The following PTPRD variants were observed in gnomAD, a reference collection of about 807,000 sequenced individuals.
PTPRD encodes protein tyrosine phosphatase receptor type D, also known as receptor-type tyrosine-protein phosphatase delta.
PTPRD carries 34 observed loss-of-function variants against 214.5 expected under a neutral mutation model. That is an observed-to-expected ratio of 0.16 (90% CI 0.12 to 0.21). PTPRD has a LOEUF of 0.21. Ranked by LOEUF, PTPRD falls within the 10% of genes least tolerant of loss-of-function variation. The probability of loss-of-function intolerance (pLI) is 1.00; values close to 1 mark genes in which losing one functional copy is unlikely to be tolerated. For synonymous variants in PTPRD, 1,128 were observed against 845.7 expected (o/e 1.33, Z -5.79); for missense variants, 2,545 against 2,398.7 (o/e 1.06, Z -1.27).
chr9:10,574,830 A>ATATC (rs57774589), intron 2 of PTPRD, among the ~76,000 whole-genome samples: 25,682 of 149,048 alleles, frequency 0.17, 2,542 homozygotes, highest in South Asian at 0.25. Flanking sequence ...ATATATATAT[A>ATATC]TATCTTAGAT....
At chr9:9,776,488 G>A (rs1484773776) in intron 5 of PTPRD, among the ~76,000 whole-genome samples, 2 of 151,998 alleles carry the variant, frequency 1.3e-5, no homozygotes. Flanking sequence ...CTAGCATAAT[G>A]CCTGGCACAC....
At chr9:8,769,669 T>C (rs2095048050) in intron 11 of PTPRD, among the ~76,000 whole-genome samples, 1 of 152,134 alleles carries the variant, frequency 6.6e-6, no homozygotes, top group Non-Finnish European at 1.5e-5. Flanking sequence ...GGTTCTACTG[T>C]GAGAATATTG....
At chr9:8,901,164 A>T (rs942630657) in intron 11 of PTPRD, among the ~76,000 whole-genome samples, 1 of 152,188 alleles carries the variant, frequency 6.6e-6, no homozygotes, top group Non-Finnish European at 1.5e-5. Context: ...TCATGGGTTC[A>T]TTGGAGCTCA....
At chr9:10,298,266 C>G (rs572410936) in intron 3 of PTPRD, among the ~76,000 whole-genome samples, 1 of 151,932 alleles carries the variant, frequency 6.6e-6, no homozygotes, top group Admixed American at 6.6e-5. Context: ...CAGGTTGCCT[C>G]GCCTGAAAAG....
At chr9:8,428,725 T>C (rs897379317) in intron 35 of PTPRD, among the ~76,000 whole-genome samples, 1 of 152,302 alleles carries the variant, frequency 6.6e-6, no homozygotes, top group East Asian at 1.9e-4. Context: ...GTTTGTATGA[T>C]TCTTGAATAC....
intron 2 of PTPRD, among the ~76,000 whole-genome samples, chr9:10,538,287 TAAATAAATAAAA>T (rs1259888977): frequency 7.6e-6 from 1 of 132,424 alleles, no homozygotes; most frequent in African/African-American, 2.8e-5. Context: ...AATAAATAAA[TAAATAAATAAAA>T]AGGGAGAGGA....
chr9:9,903,487 C>A (rs1411111633), intron 5 of PTPRD, among the ~76,000 whole-genome samples: 2 of 152,010 alleles, frequency 1.3e-5, no homozygotes, highest in African/African-American at 2.4e-5. Context: ...AGATCAGGTA[C>A]CCAATAAATA....
At chr9:8,625,709 A>T (rs1252025747) in intron 14 of PTPRD, among the ~76,000 whole-genome samples, 1 of 151,730 alleles carries the variant, frequency 6.6e-6, no homozygotes, top group Non-Finnish European at 1.5e-5. Flanking sequence ...ACATTTATGT[A>T]ATGCATGGAT....
At chr9:9,344,482 C>T (rs973339981) in intron 9 of PTPRD, among the ~76,000 whole-genome samples, 1 of 151,640 alleles carries the variant, frequency 6.6e-6, no homozygotes, top group African/African-American at 2.4e-5. Flanking sequence ...TATCCCAGAA[C>T]TTAAAGTAAA....
intron 3 of PTPRD, among the ~76,000 whole-genome samples, chr9:10,299,611 T>C (rs2095799155): frequency 6.6e-6 from 1 of 152,176 alleles, no homozygotes; most frequent in Non-Finnish European, 1.5e-5. Context: ...AGACCTTACA[T>C]TGGCCAAGGC....
In PTPRD at chr9:8,528,585, C is replaced by A. The variant is rs375285393; in HGVS notation, c.541+6G>T. The A allele has an allele frequency of 5.0e-6, 8 of 1,612,614 alleles. No individual in the cohort carries two copies. Among genetic ancestry groups the A allele is most frequent in the Admixed American group, 3.3e-5 (2 of 59,876 alleles). ...GGAGTTAGTAGAAACAGTAACAAGA[C>A]CCTACCTGATCGTAACTGCTTAATA... is the stretch of plus-strand genomic sequence containing the variant. On this transcript the variant is annotated splice_donor_region_variant and intron_variant, in intron 15 of 45. Transcript: ENST00000381196.
At chr9:8,354,184 T>C (rs1564205355) in intron 39 of PTPRD, among the ~76,000 whole-genome samples, 1 of 151,876 alleles carries the variant, frequency 6.6e-6, no homozygotes, top group Admixed American at 6.6e-5. Context: ...TTATTCTTTT[T>C]TTCACTTTTT....
chr9:10,001,232 A>G (rs2154093154), intron 4 of PTPRD, among the ~76,000 whole-genome samples: 1 of 152,274 alleles, frequency 6.6e-6, no homozygotes, highest in African/African-American at 2.4e-5. Flanking sequence ...CGAAGAGCAG[A>G]AAGATAAAGA....
chr9:8,816,908 CT>C (rs1334155233), intron 11 of PTPRD, among the ~76,000 whole-genome samples: 1 of 152,202 alleles, frequency 6.6e-6, no homozygotes, highest in Non-Finnish European at 1.5e-5. Context: ...CTTGCTGAAT[CT>C]TTTATTGTCA....
intron 5 of PTPRD, among the ~76,000 whole-genome samples, chr9:9,917,707 A>C (rs2081347400): frequency 6.6e-6 from 1 of 152,030 alleles, no homozygotes; most frequent in African/African-American, 2.4e-5. Flanking sequence ...AATACTAACA[A>C]ACCAAATCCA....
intron 3 of PTPRD, among the ~76,000 whole-genome samples, chr9:10,111,229 C>CCTTTTTTTTTTTTTTT (rs2098688430): frequency 1.4e-5 from 1 of 72,150 alleles, no homozygotes; most frequent in African/African-American, 5.7e-5. Context: ...AGTTTAGTTT[C>CCTTTTTTTTTTTTTTT]TTTTTTTTTT....
intron 10 of PTPRD, among the ~76,000 whole-genome samples, chr9:9,049,096 TC>T (rs1219972227): frequency 6.6e-6 from 1 of 152,194 alleles, no homozygotes; most frequent in East Asian, 1.9e-4. Flanking sequence ...GCAACACTAG[TC>T]ATTATCACTG....
chr9:9,077,574 G>C (rs2099753105), intron 10 of PTPRD, among the ~76,000 whole-genome samples: 1 of 152,068 alleles, frequency 6.6e-6, no homozygotes, highest in African/African-American at 2.4e-5. Context: ...AAAAATTGAT[G>C]TGAAGAGCCA....
chr9:9,100,318 T>C (rs2099789526), intron 10 of PTPRD, among the ~76,000 whole-genome samples: 1 of 152,166 alleles, frequency 6.6e-6, no homozygotes, highest in Admixed American at 6.6e-5. Context: ...CTCTTCCATT[T>C]TGGCATCAGA....
Sources: allele counts gnomAD v4.1 joint callset (sites outside exome capture counted in the v4.1 genomes callset), GRCh38; gene constraint gnomAD v4.1.1; transcripts MANE v1.5; gene names NCBI Gene and HGNC (gene_info 2026-07-23, HGNC 2026-07-21).